OR51L1: variants seen among roughly 807,000 people sequenced by gnomAD.
The protein encoded by OR51L1 is olfactory receptor family 51 subfamily L member 1.
A neutral mutation model predicts 1.4 loss-of-function variants in OR51L1; 1 was observed. The observed-to-expected ratio is 0.72, with a 90% CI of 0.26 to 3.42. OR51L1 has a LOEUF of 3.42. Ranked by LOEUF, OR51L1 falls within the 30% of genes most tolerant of loss-of-function variation. The probability of loss-of-function intolerance (pLI) is 0.20; values close to 1 mark genes in which losing one functional copy is unlikely to be tolerated. For synonymous variants in OR51L1, 156 were observed against 144.2 expected, an observed-to-expected ratio of 1.08 and a Z score of -0.59; for missense variants, 378 against 380.0, an observed-to-expected ratio of 0.99 and a Z score of 0.04.
chr11:4,997,347 C>G (rs1317982668), intron 1 of OR51L1, 135 bp from the exon 2 acceptor site: 1 of 152,054 alleles, frequency 6.6e-6, no homozygotes, highest in Non-Finnish European at 1.5e-5. Flanking sequence ...TAAAATAAAG[C>G]TTTTTATTAA....
Position 4,995,076 on chromosome 11 carries a change from C to T in OR51L1, c.-521C>T, listed in dbSNP as rs7938145. The T allele has an allele frequency of 0.32, 48,388 of 151,596 alleles. 8,056 individuals are homozygous for T. Among genetic ancestry groups the T allele is most frequent in the African/African-American group, 0.37 (15,111 of 41,332 alleles). 9.4% of individuals were successfully genotyped at this position (151,596 alleles called of 1,614,324 possible). A position where few individuals can be genotyped will look rare whatever the true frequency, so the allele number is the denominator to read the frequency against. ...GGATTACATGCTGAAAAGACACAAACTTAGATAAAAACAAAATATAAAAAA... is the reference window on the plus strand; with the variant it reads ...GGATTACATGCTGAAAAGACACAAATTTAGATAAAAACAAAATATAAAAAA... On this transcript the variant is annotated 5_prime_UTR_variant, in exon 1 of 3. Transcript: ENST00000641819.
At chr11:4,998,582 A>G (rs1346092264) in intron 2 of OR51L1, among the ~76,000 whole-genome samples, 1 of 152,122 alleles carries the variant, frequency 6.6e-6, no homozygotes, top group African/African-American at 2.4e-5. Flanking sequence ...TAACTGATTA[A>G]CTCAAGAACA....
In OR51L1 at chr11:4,999,548, T is replaced by C. The variant is rs1001683112; in HGVS notation, c.566T>C (p.Leu189Ser). The change falls in exon 3 of 3, where the codon TTA (leucine) becomes TCA (serine). Residue 189 changes from leucine (L) to serine (S), a missense_variant. Transcript: ENST00000641819. Reference sequence around the variant, plus strand: ...TGTTTGCACCAGGATGTTCTAAGATTATCCTGTACAGATGCCAGGACCAAC... The same window carrying C: ...TGTTTGCACCAGGATGTTCTAAGATCATCCTGTACAGATGCCAGGACCAAC... ...AFCLHQDVLR[L>S]SCTDARTNSI... The C allele has an allele frequency of 1.9e-6, 3 of 1,613,812 alleles. No individual in the cohort carries two copies. Among genetic ancestry groups the C allele is most frequent in the Non-Finnish European group, 1.7e-6 (2 of 1,179,774 alleles).
Position 4,997,461 on chromosome 11 carries a change from C to T in OR51L1, c.-261-21C>T, listed in dbSNP as rs1847083228. 3 of 152,094 alleles carry T rather than the reference C, an allele frequency of 2.0e-5. No homozygotes were observed. In the South Asian group the frequency reaches 6.2e-4, roughly 32 times the overall value. The allele number at this position is 152,094 out of a possible 1,614,324, so 9.4% of individuals were successfully genotyped here. On this transcript the variant is annotated intron_variant, in intron 1 of 2. Coordinates refer to ENST00000641819, the MANE Select transcript of OR51L1 (RefSeq NM_001004755.2). ...TTTTTACTCTAGGATGAGGCTAAGT[C>T]TTATCTTAATCTTTCAAAAGGTCAG...
Position 4,994,868 on chromosome 11 carries a change from C to T in OR51L1, c.-729C>T, listed in dbSNP as rs952231555. Reference sequence around the variant, plus strand: ...CTCACAGAGTCGAAGGTTTTCAAAACCTGAGGTTCATAGAGACTTAAAATT... The same window carrying T: ...CTCACAGAGTCGAAGGTTTTCAAAATCTGAGGTTCATAGAGACTTAAAATT... On this transcript the variant is annotated 5_prime_UTR_variant, in exon 1 of 3. Coordinates refer to ENST00000641819, the MANE Select transcript of OR51L1 (RefSeq NM_001004755.2). The T allele has an allele frequency of 2.0e-5, 3 of 152,088 alleles. No individual in the cohort carries two copies. Among genetic ancestry groups the T allele is most frequent in the African/African-American group, 7.2e-5 (3 of 41,410 alleles). The allele number at this position is 152,088 out of a possible 1,614,324, so 9.4% of individuals were successfully genotyped here.
rs1847116097 is a variant in OR51L1, at chr11:5,000,020, G to A, written c.*90G>A. 1.6e-6 allele frequency: 2 copies of A among 1,248,222 alleles called. No individual in the cohort carries two copies. The highest frequency in any genetic ancestry group is 1.5e-5 in the African/African-American group (1 of 65,916). 77.3% of individuals were successfully genotyped at this position (1,248,222 alleles called of 1,614,324 possible). On this transcript the variant is annotated 3_prime_UTR_variant, in exon 3 of 3. Coordinates refer to ENST00000641819, the MANE Select transcript of OR51L1 (RefSeq NM_001004755.2). The stretch of plus-strand genomic sequence containing the variant: ...TAAAATATCTGGGTGTTGCTCATCT[G>A]GTTAAAATCCTAATTCTTTCACTTC...
Position 4,999,875 on chromosome 11 carries a change from C to A in OR51L1, c.893C>A (p.Thr298Lys). ...VLNPIVYSVR[T>K]KQIRLGILHK... The stretch of plus-strand genomic sequence containing the variant: ...AACCCTATTGTCTATAGTGTCAGAA[C>A]AAAGCAGATTCGTCTAGGAATTCTC... Residue 298 changes from threonine to lysine, a missense_variant, in exon 3 of 3, where the codon ACA (threonine) becomes AAA (lysine). Transcript: ENST00000641819. The A allele has an allele frequency of 1.2e-6, 2 of 1,613,808 alleles. No individual in the cohort carries two copies. Among genetic ancestry groups the A allele is most frequent in the South Asian group, 2.2e-5 (2 of 91,064 alleles).
In OR51L1 at chr11:5,005,527, C is replaced by T. The variant is rs1381402380; in HGVS notation, c.*5597C>T. ...TTTCCCAGAAGTGCCCTAAACCTGG[C>T]TTAATAAACTTCAGTGATTGAGACT... On this transcript the variant is annotated 3_prime_UTR_variant, in exon 3 of 3. Coordinates refer to ENST00000641819, the MANE Select transcript of OR51L1 (RefSeq NM_001004755.2). 2.0e-5 allele frequency: 3 copies of T among 152,148 alleles called. No individual in the cohort carries two copies. Among genetic ancestry groups the T allele is most frequent in the Non-Finnish European group, 4.4e-5 (3 of 68,032 alleles). 9.4% of individuals were successfully genotyped at this position (152,148 alleles called of 1,614,324 possible).
intron 1 of OR51L1, among the ~76,000 whole-genome samples, chr11:4,996,845 G>A (rs920698362): frequency 1.4e-5 from 2 of 142,900 alleles, no homozygotes; most frequent in African/African-American, 2.6e-5. Flanking sequence ...TTTTTATTTC[G>A]ATGTTAATAC....
chr11:4,995,880 G>A (rs1160780154), intron 1 of OR51L1, among the ~76,000 whole-genome samples: 1 of 152,060 alleles, frequency 6.6e-6, no homozygotes, highest in African/African-American at 2.4e-5. Flanking sequence ...ATGGCAGTGA[G>A]AGGATAAGAA....
intron 1 of OR51L1, 65 bp from the exon 2 acceptor site, chr11:4,997,417 G>C (rs1847082696): frequency 6.6e-6 from 1 of 152,130 alleles, no homozygotes; most frequent in Non-Finnish European, 1.5e-5. Context: ...ATACGAGTTT[G>C]AGACCACATT....
rs1164967836 is a variant in OR51L1, at chr11:5,003,494, C to G, written c.*3564C>G. The G allele has an allele frequency of 6.6e-6, 1 of 152,230 alleles. No individual in the cohort carries two copies. Among genetic ancestry groups the G allele is most frequent in the Non-Finnish European group, 1.5e-5 (1 of 68,128 alleles). The allele number at this position is 152,230 out of a possible 1,614,324, so 9.4% of individuals were successfully genotyped here. A position where few individuals can be genotyped will look rare whatever the true frequency, so the allele number is the denominator to read the frequency against. ...TGGACCATCAGGAAATGGCCTCTCC[C>G]TGGCGCAGGCTGCCAATTTATCACT... On this transcript the variant is annotated 3_prime_UTR_variant, in exon 3 of 3. Coordinates refer to ENST00000641819, the MANE Select transcript of OR51L1 (RefSeq NM_001004755.2).
chr11:4,999,804 C>A lies in OR51L1; in HGVS notation c.822C>A (p.Val274=), dbSNP rs770358778. ...TTGGGAAGCATCTGTCTCCCATAGT[C>A]CACATCCTCATGGCAGACATCTACC... ...HRFGKHLSPI[V]HILMADIYLL... is the part of the protein sequence containing the mutation. The change falls in exon 3 of 3, where the codon GTC becomes GTA. Residue 274 remains valine, a synonymous_variant. Transcript: ENST00000641819. The A allele has an allele frequency of 2.5e-6, 4 of 1,614,038 alleles. No individual in the cohort carries two copies. Among genetic ancestry groups the A allele is most frequent in the Non-Finnish European group, 3.4e-6 (4 of 1,179,998 alleles).
rs1018363038 is a variant in OR51L1, at chr11:5,001,604, T to C, written c.*1674T>C. On this transcript the variant is annotated 3_prime_UTR_variant, in exon 3 of 3. Transcript: ENST00000641819. ...GTGTGGATCTGTAGTATTGTGTTTTTAATCAATTTATTTTTGATAACCCAT... is the reference window on the plus strand; with the variant it reads ...GTGTGGATCTGTAGTATTGTGTTTTCAATCAATTTATTTTTGATAACCCAT... 1 of 151,974 alleles carries C rather than the reference T, an allele frequency of 6.6e-6. No individual in the cohort carries two copies. Among genetic ancestry groups the C allele is most frequent in the Non-Finnish European group, 1.5e-5 (1 of 67,944 alleles). The allele number at this position is 151,974 out of a possible 1,614,324, so 9.4% of individuals were successfully genotyped here.
rs937479973 is a variant in OR51L1 at position 5,004,024 on chromosome 11, A to G, written c.*4094A>G. 4 of 152,208 alleles carry G rather than the reference A, an allele frequency of 2.6e-5. No homozygotes were observed. Among genetic ancestry groups the G allele is most frequent in the African/African-American group, 9.6e-5 (4 of 41,456 alleles). The allele number at this position is 152,208 out of a possible 1,614,324, so 9.4% of individuals were successfully genotyped here. ...ATAGAGTTTATAAATACAAATACTTATTAATTTCATAAGGAAATCAACTTT... is the reference window on the plus strand; with the variant it reads ...ATAGAGTTTATAAATACAAATACTTGTTAATTTCATAAGGAAATCAACTTT... On this transcript the variant is annotated 3_prime_UTR_variant, in exon 3 of 3. Coordinates refer to ENST00000641819, the MANE Select transcript of OR51L1 (RefSeq NM_001004755.2).
In OR51L1 at chr11:5,000,205, T is replaced by C. The variant is rs2133661954; in HGVS notation, c.*275T>C. ...AAGTTTTTTGAAAACTATACAAAAT[T>C]ATTAATGTTATTAAGTTGTCATTGT... On this transcript the variant is annotated 3_prime_UTR_variant, in exon 3 of 3. Coordinates refer to ENST00000641819, the MANE Select transcript of OR51L1 (RefSeq NM_001004755.2). 1 of 292,698 alleles carries C rather than the reference T, an allele frequency of 3.4e-6. No homozygotes were observed. Among genetic ancestry groups the C allele is most frequent in the East Asian group, 6.1e-5 (1 of 16,452 alleles). 18.1% of individuals were successfully genotyped at this position (292,698 alleles called of 1,614,324 possible).
rs753703461 is a variant in OR51L1 at position 4,999,837 on chromosome 11, TC to T, written c.860del (p.Pro287GlnfsTer17). 4 of 1,613,886 alleles carry T rather than the reference TC, an allele frequency of 2.5e-6. No homozygotes were observed. The highest frequency in any genetic ancestry group is 3.4e-6 in the Non-Finnish European group (4 of 1,179,964). On this transcript the variant is annotated frameshift_variant, in exon 3 of 3. Transcript: ENST00000641819. LOFTEE classifies it high-confidence loss of function. The stretch of plus-strand genomic sequence containing the variant: ...TCATGGCAGACATCTACCTTCTTCT[TC>T]CCCCAGTCCTTAACCCTATTGTCTA... ...ILMADIYLLLPPVLNPIVYSV... is the reference protein window; with the variant it reads ...ILMADIYLLLXPVLNPIVYSV...
At chr11:4,995,848 A>G (rs1055135162) in intron 1 of OR51L1, among the ~76,000 whole-genome samples, 1 of 152,136 alleles carries the variant, frequency 6.6e-6, no homozygotes, top group African/African-American at 2.4e-5. Context: ...ATGGATTTTA[A>G]AAAGTGAAAG....
Position 5,000,318 on chromosome 11 carries a change from T to G in OR51L1, c.*388T>G, listed in dbSNP as rs923641999. 1.2e-5 allele frequency: 2 copies of G among 166,826 alleles called. No individual in the cohort carries two copies. Among genetic ancestry groups the G allele is most frequent in the Non-Finnish European group, 2.6e-5 (2 of 76,490 alleles). 10.3% of individuals were successfully genotyped at this position (166,826 alleles called of 1,614,324 possible). On this transcript the variant is annotated 3_prime_UTR_variant, in exon 3 of 3. Transcript: ENST00000641819. ...ATTATCTAAAACTCAGAAATCAATCTCTATCTCTTTTACTAGTACTGCTGC... is the reference window on the plus strand; with the variant it reads ...ATTATCTAAAACTCAGAAATCAATCGCTATCTCTTTTACTAGTACTGCTGC...
Sources: allele counts gnomAD v4.1 joint callset (sites outside exome capture counted in the v4.1 genomes callset), GRCh38; gene constraint gnomAD v4.1.1; transcripts MANE v1.5; gene names NCBI Gene and HGNC (gene_info 2026-07-23, HGNC 2026-07-21).